SPRR2G: variants seen among roughly 807,000 people sequenced by gnomAD.
SPRR2G encodes small proline-rich protein 2G.
SPRR2G carries 1 observed loss-of-function variant against 0.7 expected under a neutral mutation model. That is an observed-to-expected ratio of 1.49 (90% CI 0.53 to 7.06). The LOEUF is 7.06. Ranked by LOEUF, SPRR2G falls within the 30% of genes most tolerant of loss-of-function variation. The pLI is 0.14. For missense variants in SPRR2G, 96 were observed against 88.5 expected (o/e 1.09, Z -0.34); for synonymous variants, 38 against 33.9 (o/e 1.12, Z -0.42).
At chr1:153,164,134 T>C in the SPRR2G span, among the ~76,000 whole-genome samples, 47 of 152,362 alleles carry the variant, frequency 3.1e-4, no homozygotes, top group African/African-American at 1.0e-3. Flanking sequence ...AGGTTTTACA[T>C]GATTTTAAAA....
chr1:153,185,609 T>C, the SPRR2G span, among the ~76,000 whole-genome samples: 1 of 152,188 alleles, frequency 6.6e-6, no homozygotes, highest in Non-Finnish European at 1.5e-5. Context: ...TTCTCTCTTT[T>C]CTTCTTTGTT....
At chr1:153,200,318 G>A in the SPRR2G span, among the ~76,000 whole-genome samples, 12,709 of 152,184 alleles carry the variant, frequency 0.084, 580 homozygotes, top group Middle Eastern at 0.25. Context: ...GGAGAAGTGG[G>A]ATTATAGGGC....
chr1:153,173,511 C>A, the SPRR2G span, among the ~76,000 whole-genome samples: 9 of 152,310 alleles, frequency 5.9e-5, no homozygotes, highest in South Asian at 1.7e-3. Flanking sequence ...GAATGGAAAT[C>A]TGCTCTAAAA....
the SPRR2G span, among the ~76,000 whole-genome samples, chr1:153,167,095 A>G: frequency 6.6e-6 from 1 of 152,210 alleles, no homozygotes; most frequent in Non-Finnish European, 1.5e-5. Context: ...TATATATGAG[A>G]TATTTGGATC....
the SPRR2G span, among the ~76,000 whole-genome samples, chr1:153,158,208 G>C: frequency 6.6e-6 from 1 of 152,160 alleles, no homozygotes; most frequent in Non-Finnish European, 1.5e-5. Context: ...TCTCATCTGA[G>C]ACAAGGCAAA....
the SPRR2G span, among the ~76,000 whole-genome samples, chr1:153,194,560 C>G: frequency 3.9e-5 from 6 of 152,208 alleles, no homozygotes; most frequent in South Asian, 8.3e-4. Context: ...TAAGGTACAG[C>G]CTTGAATTAT....
the SPRR2G span, among the ~76,000 whole-genome samples, chr1:153,199,206 A>G: frequency 6.6e-6 from 1 of 152,200 alleles, no homozygotes; most frequent in Non-Finnish European, 1.5e-5. Context: ...CATGGGCCAG[A>G]TATGAGCCAT....
chr1:153,190,953 A>G, the SPRR2G span: 2 of 152,210 alleles, frequency 1.3e-5, no homozygotes, highest in South Asian at 4.1e-4. Flanking sequence ...AGATGTAAAA[A>G]AGTCAAGAGA....
At chr1:153,165,728 G>A in the SPRR2G span, among the ~76,000 whole-genome samples, 1 of 148,594 alleles carries the variant, frequency 6.7e-6, no homozygotes, top group Non-Finnish European at 1.5e-5. Flanking sequence ...ATATAATAAA[G>A]TCCTGGAAGT....
At chr1:153,180,817 A>C in the SPRR2G span, among the ~76,000 whole-genome samples, 66 of 152,296 alleles carry the variant, frequency 4.3e-4, no homozygotes, top group African/African-American at 1.5e-3. Flanking sequence ...TTCGGTGGCT[A>C]TGTGGAGATA....
chr1:153,154,409 G>C (rs948391171), upstream of SPRR2G, among the ~76,000 whole-genome samples: 1 of 151,960 alleles, frequency 6.6e-6, no homozygotes, highest in African/African-American at 2.4e-5. Context: ...TTTTGGAAAA[G>C]TTTAATAATA....
At chr1:153,203,273 G>T in the SPRR2G span, among the ~76,000 whole-genome samples, 1 of 152,136 alleles carries the variant, frequency 6.6e-6, no homozygotes, top group Non-Finnish European at 1.5e-5. Context: ...AGGGAGGGGT[G>T]GGACAGCCAA....
At chr1:153,185,274 G>A in the SPRR2G span, among the ~76,000 whole-genome samples, 27 of 151,784 alleles carry the variant, frequency 1.8e-4, no homozygotes, top group South Asian at 5.6e-3. Flanking sequence ...AGTGTCAGAA[G>A]GAATGGTACC....
At chr1:153,189,254 T>C in the SPRR2G span, among the ~76,000 whole-genome samples, 4 of 152,208 alleles carry the variant, frequency 2.6e-5, no homozygotes, top group African/African-American at 9.6e-5. Flanking sequence ...GTGTAACATA[T>C]GCTTAAATAT....
chr1:153,181,323 T>G, the SPRR2G span, among the ~76,000 whole-genome samples: 1 of 152,200 alleles, frequency 6.6e-6, no homozygotes, highest in Non-Finnish European at 1.5e-5. Flanking sequence ...TGTGACATTT[T>G]GCTACACACA....
chr1:153,200,651 GC>G, the SPRR2G span, among the ~76,000 whole-genome samples: 1 of 151,952 alleles, frequency 6.6e-6, no homozygotes, highest in African/African-American at 2.4e-5. Flanking sequence ...GACCTGGATG[GC>G]TAAGTAAATT....
At chr1:153,167,498 AAAAG>A in the SPRR2G span, among the ~76,000 whole-genome samples, 1 of 152,102 alleles carries the variant, frequency 6.6e-6, no homozygotes, top group African/African-American at 2.4e-5. Flanking sequence ...AAGAAAAAGA[AAAAG>A]AAATCTCTAA....
At chr1:153,153,288 GAAAT>G (rs1483526864), upstream of SPRR2G, among the ~76,000 whole-genome samples, 3 of 152,038 alleles carry the variant, frequency 2.0e-5, no homozygotes, top group East Asian at 1.9e-4. Context: ...TTTTAAAATT[GAAAT>G]AAATAAATCT....
At chr1:153,158,277 T>C in the SPRR2G span, among the ~76,000 whole-genome samples, 2 of 152,192 alleles carry the variant, frequency 1.3e-5, no homozygotes, top group Admixed American at 1.3e-4. Context: ...CAAGATACAA[T>C]GAGGGTACAG....
Sources: allele counts gnomAD v4.1 joint callset (sites outside exome capture counted in the v4.1 genomes callset), GRCh38; gene constraint gnomAD v4.1.1; transcripts MANE v1.5; gene names NCBI Gene and HGNC (gene_info 2026-07-23, HGNC 2026-07-21).